SGMS1: variants seen among roughly 807,000 people sequenced by gnomAD.
SGMS1 encodes phosphatidylcholine:ceramide cholinephosphotransferase 1.
A neutral mutation model predicts 46.2 loss-of-function variants in SGMS1; 13 were observed. The observed-to-expected ratio is 0.28, with a 90% CI of 0.18 to 0.45. The LOEUF is 0.45. Among genes scored for constraint, SGMS1 ranks in the 20% least tolerant of loss-of-function variants. The pLI is 1.00. For missense variants in SGMS1, 324 were observed against 519.9 expected (o/e 0.62, Z 3.66); for synonymous variants, 203 against 187.8 (o/e 1.08, Z -0.66).
At chr10:50,485,565 C>CA (rs1456103324) in intron 3 of SGMS1, among the ~76,000 whole-genome samples, 2 of 151,972 alleles carry the variant, frequency 1.3e-5, no homozygotes, top group African/African-American at 4.8e-5. Context: ...TCATATAGAA[C>CA]AAAAAAAGAG....
At chr10:50,400,743 C>G (rs1848925774) in intron 6 of SGMS1, among the ~76,000 whole-genome samples, 1 of 152,034 alleles carries the variant, frequency 6.6e-6, no homozygotes, top group Admixed American at 6.6e-5. Flanking sequence ...AAGTACAAAA[C>G]CACAAGTGCT....
rs547108861 is a variant in SGMS1, at chr10:50,599,586, T to A, written c.-683-9339A>T. The stretch of plus-strand genomic sequence containing the variant: ...ACTTACGAAGTACTTAACGTTAACT[T>A]AAGAAGCACTAAGAATGCCTGTAAT... On this transcript the variant is annotated intron_variant, in intron 1 of 10. Coordinates refer to ENST00000361781, the MANE Select transcript of SGMS1 (RefSeq NM_147156.4). Among the ~76,000 whole-genome samples, 5 of 152,210 alleles carry A rather than the reference T, an allele frequency of 3.3e-5. No individual in the cohort carries two copies. The East Asian group carries it at 7.7e-4, about 24-fold the overall frequency.
At chr10:50,444,552 A>AG (rs1836983694) in intron 5 of SGMS1, among the ~76,000 whole-genome samples, 1 of 152,130 alleles carries the variant, frequency 6.6e-6, no homozygotes, top group African/African-American at 2.4e-5. Flanking sequence ...AAATATTCAT[A>AG]GGGAAAGAAA....
chr10:50,491,037 G>T (rs1837563655), intron 3 of SGMS1, among the ~76,000 whole-genome samples: 1 of 152,060 alleles, frequency 6.6e-6, no homozygotes, highest in Non-Finnish European at 1.5e-5. Context: ...TCTGTAAACT[G>T]CTATTTAAAG....
intron 6 of SGMS1, among the ~76,000 whole-genome samples, chr10:50,428,470 G>C (rs1849358587): frequency 6.6e-6 from 1 of 152,096 alleles, no homozygotes; most frequent in African/African-American, 2.4e-5. Flanking sequence ...GGGCAGAAAG[G>C]AGCAGCAAGT....
At chr10:50,516,231 C>T (rs1456738614) in intron 3 of SGMS1, among the ~76,000 whole-genome samples, 2 of 152,154 alleles carry the variant, frequency 1.3e-5, no homozygotes, top group African/African-American at 4.8e-5. Context: ...TGTGCCAAAG[C>T]CCAAGGCAAC....
At chr10:50,482,460 A>G (rs2133722311) in intron 3 of SGMS1, among the ~76,000 whole-genome samples, 1 of 152,368 alleles carries the variant, frequency 6.6e-6, no homozygotes, top group South Asian at 2.1e-4. Flanking sequence ...CTTTTCAGGC[A>G]TAAGCAAAGG....
chr10:50,545,873 C>T (rs1442655347), intron 2 of SGMS1, among the ~76,000 whole-genome samples: 1 of 152,110 alleles, frequency 6.6e-6, no homozygotes, highest in Non-Finnish European at 1.5e-5. Flanking sequence ...TAATTTAGAC[C>T]ATATCAGCCT....
intron 6 of SGMS1, among the ~76,000 whole-genome samples, chr10:50,352,082 C>T (rs79419838): frequency 6.6e-6 from 1 of 152,140 alleles, no homozygotes; most frequent in Non-Finnish European, 1.5e-5. Flanking sequence ...TTTTTCCAAG[C>T]AAGTTTTGAA....
At chr10:50,601,728 C>G (rs894872295) in intron 1 of SGMS1, among the ~76,000 whole-genome samples, 1 of 152,208 alleles carries the variant, frequency 6.6e-6, no homozygotes, top group African/African-American at 2.4e-5. Context: ...GTTGGATACC[C>G]TCTTTCCAGA....
chr10:50,558,321 T>C (rs550319475), intron 2 of SGMS1, among the ~76,000 whole-genome samples: 1 of 152,326 alleles, frequency 6.6e-6, no homozygotes, highest in Non-Finnish European at 1.5e-5. Flanking sequence ...TATAAGGGTA[T>C]TTCATTTGAA....
Position 50,306,097 on chromosome 10 carries a change from T to C in SGMS1, c.*1045A>G, listed in dbSNP as rs1031711040. On this transcript the variant is annotated 3_prime_UTR_variant, in exon 11 of 11. Coordinates refer to ENST00000361781, the MANE Select transcript of SGMS1 (RefSeq NM_147156.4). The stretch of plus-strand genomic sequence containing the variant: ...TTTCAAAACTCTCTTTAAGAAAAGA[T>C]ATTCATGGCTGTTTTCATTGAGTAG... The C allele has an allele frequency of 6.5e-6, 1 of 152,750 alleles. No individual in the cohort carries two copies. Among genetic ancestry groups the C allele is most frequent in the Non-Finnish European group, 1.5e-5 (1 of 68,000 alleles). The allele number at this position is 152,750 out of a possible 1,614,324, so 9.5% of individuals were successfully genotyped here. A position where few individuals can be genotyped will look rare whatever the true frequency, so the allele number is the denominator to read the frequency against.
chr10:50,441,863 T>A (rs1335333424), intron 5 of SGMS1, among the ~76,000 whole-genome samples: 2 of 151,402 alleles, frequency 1.3e-5, no homozygotes, highest in East Asian at 3.9e-4. Context: ...TGTATTTTTA[T>A]CCATTGCATG....
chr10:50,418,177 G>C (rs1362636604), intron 6 of SGMS1: 1 of 152,132 alleles, frequency 6.6e-6, no homozygotes, highest in Non-Finnish European at 1.5e-5. Context: ...GCGGAAAGGC[G>C]AGCGCGCTGA....
chr10:50,515,963 G>C (rs912008517), intron 3 of SGMS1, among the ~76,000 whole-genome samples: 1 of 152,082 alleles, frequency 6.6e-6, no homozygotes, highest in Non-Finnish European at 1.5e-5. Context: ...TGTTTTCAGT[G>C]CCTGTCTTTC....
At chr10:50,435,151 G>C (rs1044783861) in intron 5 of SGMS1, among the ~76,000 whole-genome samples, 1 of 152,162 alleles carries the variant, frequency 6.6e-6, no homozygotes, top group Admixed American at 6.5e-5. Flanking sequence ...AAATAAACAG[G>C]TTTGAACCCC....
intron 5 of SGMS1, among the ~76,000 whole-genome samples, chr10:50,443,218 C>A (rs1013660944): frequency 1.3e-5 from 2 of 152,088 alleles, no homozygotes; most frequent in South Asian, 4.2e-4. Flanking sequence ...TCCCTGTTTT[C>A]CAAAGAAAAG....
At chr10:50,540,879 G>T (rs1838045670) in intron 2 of SGMS1, among the ~76,000 whole-genome samples, 2 of 152,168 alleles carry the variant, frequency 1.3e-5, no homozygotes, top group Non-Finnish European at 2.9e-5. Flanking sequence ...TCATAAAGAG[G>T]GTGGAAAAGA....
At chr10:50,624,109 G>A (rs1474892182), upstream of SGMS1, 1 of 985,274 alleles carries the variant, frequency 1.0e-6, no homozygotes, top group African/African-American at 1.7e-5. Flanking sequence ...CCCGAACCAA[G>A]GGACAGTCGC....
Sources: allele counts gnomAD v4.1 joint callset (sites outside exome capture counted in the v4.1 genomes callset), GRCh38; gene constraint gnomAD v4.1.1; transcripts MANE v1.5; gene names NCBI Gene and HGNC (gene_info 2026-07-23, HGNC 2026-07-21).